The following NCAPG variants were observed in gnomAD, a reference collection of about 807,000 sequenced individuals.
The protein encoded by NCAPG is non-SMC condensin I complex subunit G.
NCAPG carries 69 observed loss-of-function variants against 113.1 expected under a neutral mutation model. That is an observed-to-expected ratio of 0.61 (90% confidence interval 0.50 to 0.75). The LOEUF is 0.75. Ranked by LOEUF, NCAPG falls within the 30% of genes least tolerant of loss-of-function variation. NCAPG has a pLI of 0.00. For missense variants in NCAPG, 1,058 were observed against 1,177.0 expected, an observed-to-expected ratio of 0.90 and a Z score of 1.48; for synonymous variants, 370 against 415.8, an observed-to-expected ratio of 0.89 and a Z score of 1.34.
In NCAPG at chr4:17,827,922, C is replaced by T. The variant is rs1024034934; in HGVS notation, c.1654-356C>T. Among the ~76,000 whole-genome samples the T allele has an allele frequency of 7.9e-5, 12 of 151,734 alleles. No homozygotes were observed. In the South Asian group the frequency reaches 1.7e-3, roughly 21 times the overall value. On this transcript the variant is annotated intron_variant, in intron 11 of 20. Coordinates refer to ENST00000251496, the MANE Select transcript of NCAPG (RefSeq NM_022346.5). ...CCGTGTTCAAGCCATTCTCGTGCCT[C>T]GGCCTCCCAAGTAGCTGGGACCACA...
intron 2 of NCAPG, 114 bp from the exon 3 acceptor site, chr4:17,812,803 G>A: frequency 4.7e-6 from 4 of 849,238 alleles, no homozygotes; most frequent in Non-Finnish European, 3.7e-6. Context: ...TTCTCTTCAG[G>A]AAATGAATTG....
At chr4:17,834,216 C>G in intron 13 of NCAPG, 83 bp from the exon 14 acceptor site, 1 of 882,254 alleles carries the variant, frequency 1.1e-6, no homozygotes, top group East Asian at 2.9e-5. Context: ...AAGAAAAAAA[C>G]AAGATACATA....
chr4:17,834,791 TTA>T (rs934704803), intron 14 of NCAPG, among the ~76,000 whole-genome samples: 3 of 152,110 alleles, frequency 2.0e-5, no homozygotes, highest in African/African-American at 7.2e-5. Context: ...CCTATGCTCT[TTA>T]TATCTTATTT....
At chr4:17,834,125 A>C (rs1430208913) in intron 13 of NCAPG, among the ~76,000 whole-genome samples, 174 bp from the exon 14 acceptor site, 2 of 152,168 alleles carry the variant, frequency 1.3e-5, no homozygotes, top group Non-Finnish European at 2.9e-5. Flanking sequence ...TAAAAATAAC[A>C]TTTTTTTAAA....
intron 3 of NCAPG, among the ~76,000 whole-genome samples, chr4:17,813,577 TA>T (rs1408210065): frequency 6.6e-6 from 1 of 152,184 alleles, no homozygotes; most frequent in African/African-American, 2.4e-5. Context: ...AATACTATTT[TA>T]AAAAATTCAT....
intron 8 of NCAPG, 97 bp from the exon 9 acceptor site, chr4:17,823,550 C>A: frequency 9.4e-7 from 1 of 1,069,120 alleles, no homozygotes; most frequent in African/African-American, 1.6e-5. Context: ...AGTGAAAGAA[C>A]TGAGGCAAAT....
rs1044106089 is a variant in NCAPG at position 17,823,833 on chromosome 4, T to C, written c.1383+63T>C. 22 of 1,369,622 alleles carry C rather than the reference T, an allele frequency of 1.6e-5. No homozygotes were observed. In the African/African-American group the frequency reaches 2.9e-4, roughly 18 times the overall value. 84.8% of individuals were successfully genotyped at this position (1,369,622 alleles called of 1,614,324 possible). A position where few individuals can be genotyped will look rare whatever the true frequency, so the allele number is the denominator to read the frequency against. ...GTCAATGACATTGAATACTGTCTTA[T>C]TTTCTGTTTAGAACTTTTTGTTTTG... On this transcript the variant is annotated intron_variant, in intron 9 of 20. Transcript: ENST00000251496.
chr4:17,842,045 T>A, intron 19 of NCAPG: 1 of 364,580 alleles, frequency 2.7e-6, no homozygotes, highest in Non-Finnish European at 5.1e-6. Flanking sequence ...GAACTAAAAT[T>A]TGCCTTCTTT....
In NCAPG at chr4:17,823,696, C is replaced by A; in HGVS notation, c.1309C>A (p.Pro437Thr). The A allele has an allele frequency of 6.2e-7, 1 of 1,609,798 alleles. No homozygotes were observed. The highest frequency in any genetic ancestry group is 1.3e-5 in the African/African-American group (1 of 74,872). Residue 437 changes from proline to threonine, a missense_variant, in exon 9 of 21, where the codon CCA becomes ACA. Pro to Thr is a conservative substitution (Grantham distance 38). Coordinates refer to ENST00000251496, the MANE Select transcript of NCAPG (RefSeq NM_022346.5). ...LQEILILPTI[P>T]ISLVSFLVER... ...GGAGATTCTTATTTTACCCACAATC[C>A]CAATATCCCTGGTTTCTTTTCTTGT... is the stretch of plus-strand genomic sequence containing the variant.
Position 17,823,268 on chromosome 4 carries a change from CATA to C in NCAPG, c.1259+146_1259+148del. On this transcript the variant is annotated intron_variant, in intron 8 of 20. Coordinates refer to ENST00000251496, the MANE Select transcript of NCAPG (RefSeq NM_022346.5). ...TTTTCTTTTCCCTTCTACATATTTC[CATA>C]TATACACATACATTTATATTTCTAG... The C allele has an allele frequency of 8.1e-6, 5 of 616,486 alleles. No individual in the cohort carries two copies. In the South Asian group the frequency reaches 1.1e-4, roughly 14 times the overall value. The allele number at this position is 616,486 out of a possible 1,614,324, so 38.2% of individuals were successfully genotyped here.
chr4:17,815,469 G>A, intron 5 of NCAPG, 111 bp downstream of exon 5: 1 of 678,858 alleles, frequency 1.5e-6, no homozygotes, highest in Non-Finnish European at 2.5e-6. Flanking sequence ...CCAGTCCCAT[G>A]AACCTGGTGA....
intron 7 of NCAPG, among the ~76,000 whole-genome samples, chr4:17,821,481 A>G (rs1238291426): frequency 1.7e-5 from 2 of 120,116 alleles, no homozygotes; most frequent in East Asian, 2.5e-4. Context: ...TTTTTTTTTA[A>G]GAGACGTAGT....
intron 7 of NCAPG, among the ~76,000 whole-genome samples, chr4:17,818,445 A>G (rs1721308674): frequency 6.6e-6 from 1 of 152,226 alleles, no homozygotes; most frequent in Non-Finnish European, 1.5e-5. Context: ...GTCTGTCACA[A>G]TGACTCAACT....
At chr4:17,842,461 G>A (rs549682625) in intron 20 of NCAPG, 82 bp downstream of exon 20, 16 of 1,031,926 alleles carry the variant, frequency 1.6e-5, no homozygotes, top group East Asian at 2.5e-5. Flanking sequence ...ATTTTCTTGC[G>A]AATGAGAGAG....
rs1393696803 is a variant in NCAPG at position 17,837,250 on chromosome 4, T to C, written c.2201T>C (p.Ile734Thr). 1 of 1,613,942 alleles carries C rather than the reference T, an allele frequency of 6.2e-7. No homozygotes were observed. Among genetic ancestry groups the C allele is most frequent in the Admixed American group, 1.7e-5 (1 of 59,972 alleles). Reference protein sequence around the residue: ...LVSSRILSRLILLWYNPVTEE... With the variant: ...LVSSRILSRLTLLWYNPVTEE... Reference sequence around the variant, plus strand: ...AGCAGCAGGATTCTTTCTCGTCTTATTTTGTTATGGTACAATCCTGTGACT... The same window carrying C: ...AGCAGCAGGATTCTTTCTCGTCTTACTTTGTTATGGTACAATCCTGTGACT... The change falls in exon 15 of 21, where the codon ATT becomes ACT. Residue 734 changes from isoleucine (I) to threonine (T), a missense_variant. Transcript: ENST00000251496.
chr4:17,823,571 T>G (rs1028362542), intron 8 of NCAPG, 76 bp from the exon 9 acceptor site: 11 of 1,316,522 alleles, frequency 8.4e-6, no homozygotes, highest in African/African-American at 4.5e-5. Context: ...GTAATTAAGT[T>G]TGCAGAGTAG....
chr4:17,814,564 C>CCA (rs1347347549), intron 3 of NCAPG, among the ~76,000 whole-genome samples: 3 of 152,172 alleles, frequency 2.0e-5, no homozygotes, highest in Non-Finnish European at 2.9e-5. Context: ...CCACCTCAGC[C>CCA]TCCTAAGTAA....
At chr4:17,835,105 G>A (rs924929164) in intron 14 of NCAPG, among the ~76,000 whole-genome samples, 1 of 152,176 alleles carries the variant, frequency 6.6e-6, no homozygotes, top group African/African-American at 2.4e-5. Context: ...TCTCTTTTAA[G>A]TACTCTTGAA....
intron 5 of NCAPG, among the ~76,000 whole-genome samples, chr4:17,816,065 T>C (rs1577332947): frequency 9.3e-6 from 1 of 107,852 alleles, no homozygotes. Context: ...AATTTTCTTA[T>C]TTTTTTTTTT....
Sources: gnomAD v4.1 joint callset for allele counts (sites outside exome capture counted in the v4.1 genomes callset) on GRCh38, gnomAD v4.1.1 for gene constraint, MANE v1.5 for transcripts, NCBI Gene and HGNC (gene_info 2026-07-23, HGNC 2026-07-21) for gene names.